Variants in GUK1 observed in about 807,000 individuals in gnomAD.
GUK1 encodes the protein guanylate kinase.
In GUK1, 18 loss-of-function variants were observed where a neutral mutation model predicts 25.2. That is an observed-to-expected ratio of 0.71 (90% CI 0.49 to 1.06). The LOEUF is 1.06. Among genes scored for constraint, GUK1 ranks in the 50% least tolerant of loss-of-function variants. The pLI is 0.00. For missense variants in GUK1, 261 were observed against 276.7 expected (o/e 0.94, Z 0.40); for synonymous variants, 105 against 117.6 (o/e 0.89, Z 0.69).
chr1:228,148,582 G>A (rs774306171), intron 8 of GUK1, 83 bp from the exon 8 acceptor site: 2 of 1,411,264 alleles, frequency 1.4e-6, no homozygotes, highest in East Asian at 2.3e-5. Flanking sequence ...ATGAGACACC[G>A]AGGTCCACGG....
rs571713419 is a variant in GUK1 at position 228,148,913 on chromosome 1, T to C, written c.*216T>C. 8.4e-7 allele frequency: 1 copy of C among 1,184,014 alleles called. No homozygotes were observed. Among genetic ancestry groups the C allele is most frequent in the East Asian group, 2.6e-5 (1 of 38,346 alleles). The allele number at this position is 1,184,014 out of a possible 1,614,324, so 73.3% of individuals were successfully genotyped here. A position where few individuals can be genotyped will look rare whatever the true frequency, so the allele number is the denominator to read the frequency against. ...CTATCTCTCACTCTGGACCCAGGGC[T>C]GACATCCTAATAAAATAACTGTTGG... On this transcript the variant is annotated 3_prime_UTR_variant, in exon 9 of 9. Coordinates refer to ENST00000312726, the MANE Select transcript of GUK1 (RefSeq NM_000858.7).
At chr1:228,144,800 C>T (rs1352278582) in intron 2 of GUK1, 11 of 852,456 alleles carry the variant, frequency 1.3e-5, no homozygotes, top group Non-Finnish European at 1.6e-5. Context: ...AGGCCAGCTC[C>T]CGGGCCCTCA....
intron 2 of GUK1, chr1:228,141,670 C>T (rs1264876970): frequency 1.6e-6 from 2 of 1,258,924 alleles, no homozygotes; most frequent in South Asian, 2.7e-5. Flanking sequence ...TATGCCGCCA[C>T]AGCAGGGAGT....
Position 228,148,754 on chromosome 1 carries a change from G to A in GUK1, c.*57G>A, listed in dbSNP as rs1194548043. The stretch of plus-strand genomic sequence containing the variant: ...CATACAGGACCAGGGCAGCAGCATT[G>A]AGCCACCCCCTTGGCAGGCGATACG... On this transcript the variant is annotated 3_prime_UTR_variant, in exon 9 of 9. Coordinates refer to ENST00000312726, the MANE Select transcript of GUK1 (RefSeq NM_000858.7). 2 of 1,611,266 alleles carry A rather than the reference G, an allele frequency of 1.2e-6. No homozygotes were observed. The highest frequency in any genetic ancestry group is 3.3e-5 in the Admixed American group (2 of 59,960).
At chr1:228,142,790 C>T (rs935850559) in intron 2 of GUK1, among the ~76,000 whole-genome samples, 4 of 151,796 alleles carry the variant, frequency 2.6e-5, no homozygotes, top group Non-Finnish European at 4.4e-5. Context: ...TCCTGGGCAT[C>T]GGGGATGGGG....
chr1:228,142,290 G>A (rs1290349111), intron 2 of GUK1, among the ~76,000 whole-genome samples: 3 of 152,292 alleles, frequency 2.0e-5, no homozygotes, highest in African/African-American at 4.8e-5. Context: ...CAGGAAGAGC[G>A]GAGTGTTGGC....
At chr1:228,147,380 C>A in intron 5 of GUK1, 26 bp from the exon 5 acceptor site, 1 of 1,601,292 alleles carries the variant, frequency 6.2e-7, no homozygotes, top group Non-Finnish European at 8.5e-7. Context: ...CCCTGGCACC[C>A]CTGCTGACCT....
At chr1:228,140,457 T>A in intron 1 of GUK1, 94 bp downstream of exon 1, 1 of 893,056 alleles carries the variant, frequency 1.1e-6, no homozygotes, top group Non-Finnish European at 1.6e-6. Context: ...CGCCTCCGGA[T>A]CTCCTCCTAG....
Position 228,146,668 on chromosome 1 carries a change from G to C in GUK1, c.155-174G>C, listed in dbSNP as rs1301730591. On this transcript the variant is annotated intron_variant, in intron 4 of 8. Transcript: ENST00000312726. ...AGTGTGAGAAATGGTGTCTGGCTCA[G>C]GCACTTGGCAGCACTTGAGGGGTCC... 1.6e-5 allele frequency: 10 copies of C among 618,484 alleles called. No homozygotes were observed. The East Asian group carries it at 2.8e-4, about 17-fold the overall frequency. 38.3% of individuals were successfully genotyped at this position (618,484 alleles called of 1,614,324 possible).
At chr1:228,146,779 C>A in intron 4 of GUK1, 63 bp from the exon 4 acceptor site, 1 of 1,101,112 alleles carries the variant, frequency 9.1e-7, no homozygotes, top group Non-Finnish European at 1.4e-6. Flanking sequence ...TTGGGGGCAG[C>A]TGGCCCTGGG....
intron 4 of GUK1, 63 bp downstream of exon 3, chr1:228,146,130 C>A (rs2034358352): frequency 5.3e-6 from 6 of 1,133,916 alleles, no homozygotes; most frequent in Non-Finnish European, 8.0e-6. Flanking sequence ...CTGGGCCCTG[C>A]AGCTGTGTTG....
intron 6 of GUK1, 23 bp from the exon 6 acceptor site, chr1:228,147,592 T>C (rs749217258): frequency 1.2e-6 from 2 of 1,613,044 alleles, no homozygotes; most frequent in Non-Finnish European, 1.7e-6. Flanking sequence ...CATGCCAGGC[T>C]CTGATTGCCA....
At chr1:228,146,219 A>G (rs1370697097) in intron 4 of GUK1, 152 bp downstream of exon 3, 2 of 618,972 alleles carry the variant, frequency 3.2e-6, no homozygotes, top group East Asian at 2.8e-5. Flanking sequence ...GGTGAACTCA[A>G]TCAGGGTGTC....
chr1:228,148,731 T>C lies in GUK1; in HGVS notation c.*34T>C. The C allele has an allele frequency of 1.2e-6, 2 of 1,610,536 alleles. No homozygotes were observed. Among genetic ancestry groups the C allele is most frequent in the Non-Finnish European group, 8.5e-7 (1 of 1,179,594 alleles). ...GTCTGTTCTCGGCACCCCGGGCCCATACAGGACCAGGGCAGCAGCATTGAG... is the reference window on the plus strand; with the variant it reads ...GTCTGTTCTCGGCACCCCGGGCCCACACAGGACCAGGGCAGCAGCATTGAG... On this transcript the variant is annotated 3_prime_UTR_variant, in exon 9 of 9. Coordinates refer to ENST00000312726, the MANE Select transcript of GUK1 (RefSeq NM_000858.7).
At chr1:228,140,750 T>C (rs545668289) in intron 1 of GUK1, among the ~76,000 whole-genome samples, 2 of 152,334 alleles carry the variant, frequency 1.3e-5, no homozygotes, top group Non-Finnish European at 2.9e-5. Flanking sequence ...CCTGCAAGCC[T>C]TGGGGTCCTG....
At chr1:228,144,111 TGTG>T (rs1293760275) in intron 2 of GUK1, among the ~76,000 whole-genome samples, 1 of 152,080 alleles carries the variant, frequency 6.6e-6, no homozygotes, top group Non-Finnish European at 1.5e-5. Flanking sequence ...TGTGTGTGTT[TGTG>T]GTAGGTTTGT....
At chr1:228,144,562 C>T (rs778179289) in intron 2 of GUK1, 4 of 180,862 alleles carry the variant, frequency 2.2e-5, no homozygotes, top group Non-Finnish European at 4.2e-5. Flanking sequence ...CCTGCACAGC[C>T]GCAGAGCAGG....
At position 228,147,458 on chromosome 1, in the gene GUK1, G is replaced by A. The variant is rs144460369; in HGVS notation, c.304G>A (p.Val102Met). The change falls in exon 6 of 9, where the codon GTG (valine) becomes ATG (methionine). Residue 102 changes from valine (V) to methionine (M), a missense_variant. Transcript: ENST00000312726. ...CATGAACCGCATCTGTGTGCTGGAC[G>A]TGGACCTGCAGGGTGTGCGGAACAT... 506 of 1,612,692 alleles carry A rather than the reference G, an allele frequency of 3.1e-4. 1 individual carries two copies. The highest frequency in any genetic ancestry group is 3.9e-4 in the Non-Finnish European group (461 of 1,179,586).
chr1:228,145,316 G>A (rs898544342), intron 2 of GUK1, 195 bp from the exon 2 acceptor site: 9 of 507,694 alleles, frequency 1.8e-5, no homozygotes, highest in Admixed American at 6.9e-5. Flanking sequence ...TCTGAGGGCC[G>A]CCCTGTGCAT....
Sources: gnomAD v4.1 joint callset for allele counts (sites outside exome capture counted in the v4.1 genomes callset) on GRCh38, gnomAD v4.1.1 for gene constraint, MANE v1.5 for transcripts, NCBI Gene and HGNC (gene_info 2026-07-23, HGNC 2026-07-21) for gene names.